The following XKR6 variants were observed in gnomAD, a reference collection of about 807,000 sequenced individuals.
XKR6 encodes the protein XK-related protein 6.
A neutral mutation model predicts 56.7 loss-of-function variants in XKR6; 22 were observed. The ratio of observed to expected loss-of-function variants is 0.39; its 90% CI spans 0.28 to 0.55. The LOEUF (loss-of-function observed/expected upper bound fraction) is 0.55. Among genes scored for constraint, XKR6 ranks in the 20% least tolerant of loss-of-function variants. The probability of loss-of-function intolerance (pLI) is 0.66; values close to 1 mark genes in which losing one functional copy is unlikely to be tolerated. For missense variants in XKR6, 852 were observed against 889.0 expected (o/e 0.96, Z 0.53); for synonymous variants, 524 against 387.8 (o/e 1.35, Z -4.13).
chr8:10,909,215 T>C (rs965711076), intron 2 of XKR6, among the ~76,000 whole-genome samples: 4 of 150,110 alleles, frequency 2.7e-5, no homozygotes, highest in East Asian at 3.9e-4. Flanking sequence ...CTCTCTCTCT[T>C]TCCCCGCTCT....
chr8:10,967,592 C>T (rs1009729848), intron 1 of XKR6, among the ~76,000 whole-genome samples: 1 of 152,178 alleles, frequency 6.6e-6, no homozygotes, highest in African/African-American at 2.4e-5. Context: ...AGCCCTGGAG[C>T]TGGAGGCCAG....
intron 1 of XKR6, among the ~76,000 whole-genome samples, chr8:10,984,333 C>T (rs900904048): frequency 6.6e-6 from 1 of 152,132 alleles, no homozygotes; most frequent in African/African-American, 2.4e-5. Flanking sequence ...ATCACACACA[C>T]CCCTCAACTC....
chr8:11,151,848 A>T (rs1430291591), intron 1 of XKR6, among the ~76,000 whole-genome samples: 1 of 152,160 alleles, frequency 6.6e-6, no homozygotes, highest in Non-Finnish European at 1.5e-5. Flanking sequence ...AAGAACAATT[A>T]ATAAACCTGT....
At chr8:10,938,786 G>A (rs749081792) in intron 1 of XKR6, among the ~76,000 whole-genome samples, 3 of 152,120 alleles carry the variant, frequency 2.0e-5, no homozygotes, top group African/African-American at 4.8e-5. Flanking sequence ...ATGTGAATCC[G>A]CGTATGCACT....
intron 1 of XKR6, among the ~76,000 whole-genome samples, chr8:10,984,732 C>CTCTCTCTCTCTCTCTCTCTCTCTA: frequency 2.1e-5 from 1 of 47,494 alleles, no homozygotes; most frequent in Non-Finnish European, 4.2e-5. Context: ...CTCTCTCTCT[C>CTCTCTCTCTCTCTCTCTCTCTCTA]TATATATATA....
intron 1 of XKR6, among the ~76,000 whole-genome samples, chr8:11,149,771 G>C (rs67559300): frequency 6.6e-6 from 1 of 151,956 alleles, no homozygotes; most frequent in Non-Finnish European, 1.5e-5. Context: ...AAAAGAAATC[G>C]GCACATCAAA....
intron 1 of XKR6, among the ~76,000 whole-genome samples, chr8:10,998,678 G>C (rs1003022202): frequency 7.2e-5 from 11 of 152,152 alleles, no homozygotes; most frequent in African/African-American, 2.7e-4. Context: ...AGGTCACCCA[G>C]CTAGGACACT....
At chr8:11,188,036 T>C (rs766824537) in intron 1 of XKR6, among the ~76,000 whole-genome samples, 10 of 152,340 alleles carry the variant, frequency 6.6e-5, no homozygotes, top group East Asian at 1.9e-4. Flanking sequence ...TGTTTTTTTT[T>C]CTACAGCCCT....
chr8:10,911,758 T>C (rs1044025869), intron 2 of XKR6, among the ~76,000 whole-genome samples: 6 of 149,046 alleles, frequency 4.0e-5, no homozygotes, highest in African/African-American at 1.5e-4. Context: ...AGTGTGTATA[T>C]ATATATAAAT....
intron 1 of XKR6, among the ~76,000 whole-genome samples, chr8:10,960,741 C>A (rs1054004383): frequency 6.6e-5 from 10 of 152,190 alleles, no homozygotes; most frequent in Non-Finnish European, 1.5e-4. Context: ...ATTCCCAAGG[C>A]AGGAGGTATC....
chr8:11,057,332 C>G (rs1799710949), intron 1 of XKR6, among the ~76,000 whole-genome samples: 1 of 152,156 alleles, frequency 6.6e-6, no homozygotes, highest in Non-Finnish European at 1.5e-5. Context: ...AGAATGTAAG[C>G]TTGCATGAGA....
At chr8:11,055,493 G>T (rs533273180) in intron 1 of XKR6, among the ~76,000 whole-genome samples, 7 of 152,296 alleles carry the variant, frequency 4.6e-5, no homozygotes, top group Non-Finnish European at 1.0e-4. Flanking sequence ...GAGGCTCCTG[G>T]GTCTAGGAGA....
rs966107790 is a variant in XKR6 at position 11,200,408 on chromosome 8, G to T, written c.764+168C>A. Reference sequence around the variant, plus strand: ...TCCCCGGGCCAAAGGCGTGGCCAGGGATCCAGATCAAACGCCGGTCTTTTG... The same window carrying T: ...TCCCCGGGCCAAAGGCGTGGCCAGGTATCCAGATCAAACGCCGGTCTTTTG... On this transcript the variant is annotated intron_variant, in intron 1 of 2. Coordinates refer to ENST00000416569, the MANE Select transcript of XKR6 (RefSeq NM_173683.4). This position sits in a 1 kb window ranked among gnomAD's most constrained non-coding sequence, Gnocchi z 6.4. 6.6e-6 allele frequency among the ~76,000 whole-genome samples: 1 copy of T among 152,230 alleles called. No individual in the cohort carries two copies. The highest frequency in any genetic ancestry group is 1.5e-5 in the Non-Finnish European group (1 of 68,032).
At chr8:11,088,222 AAG>A (rs1349049206) in intron 1 of XKR6, among the ~76,000 whole-genome samples, 2 of 151,338 alleles carry the variant, frequency 1.3e-5, no homozygotes. Context: ...TTAGATGTAA[AAG>A]AGATATTGTT....
chr8:11,119,752 A>G (rs546806500), intron 1 of XKR6, among the ~76,000 whole-genome samples: 56 of 152,124 alleles, frequency 3.7e-4, no homozygotes, highest in Non-Finnish European at 6.3e-4. Context: ...ATTTTAGACC[A>G]ATATCCTTGA....
chr8:10,985,071 C>G (rs2129138545), intron 1 of XKR6, among the ~76,000 whole-genome samples: 1 of 152,118 alleles, frequency 6.6e-6, no homozygotes, highest in East Asian at 1.9e-4. Context: ...TCCAGAGTAG[C>G]TGGGATTACA....
chr8:11,092,056 T>C (rs1586533360), intron 1 of XKR6, among the ~76,000 whole-genome samples: 1 of 152,304 alleles, frequency 6.6e-6, no homozygotes, highest in African/African-American at 2.4e-5. Context: ...TACAACTCCA[T>C]TCTGCAGTTA....
At chr8:11,115,622 G>A (rs533718623) in intron 1 of XKR6, among the ~76,000 whole-genome samples, 3 of 134,690 alleles carry the variant, frequency 2.2e-5, no homozygotes, top group South Asian at 4.6e-4. Context: ...TAATTGTGTG[G>A]GAATATGATA....
intron 1 of XKR6, among the ~76,000 whole-genome samples, chr8:11,031,340 T>G (rs924548986): frequency 6.6e-6 from 1 of 152,204 alleles, no homozygotes; most frequent in African/African-American, 2.4e-5. Context: ...TCTCCTGAGA[T>G]CTCTCCTTGG....
Sources: gnomAD v4.1 joint callset for allele counts (sites outside exome capture counted in the v4.1 genomes callset) on GRCh38, gnomAD v4.1.1 for gene constraint, Gnocchi (gnomAD v3.1) non-coding constraint, MANE v1.5 for transcripts, NCBI Gene and HGNC (gene_info 2026-07-23, HGNC 2026-07-21) for gene names.